The following CCSER1 variants were observed in gnomAD, a reference collection of about 807,000 sequenced individuals.
The protein encoded by CCSER1 is serine-rich coiled-coil domain-containing protein 1.
A neutral mutation model predicts 82.0 loss-of-function variants in CCSER1; 41 were observed. The ratio of observed to expected loss-of-function variants is 0.50; its 90% CI spans 0.39 to 0.65. The LOEUF (loss-of-function observed/expected upper bound fraction) is 0.65. CCSER1 is among the 30% of genes least tolerant of loss of function. The pLI, the probability that CCSER1 is intolerant of heterozygous loss-of-function variation, is 0.00. For synonymous variants in CCSER1, 414 were observed against 383.9 expected, an observed-to-expected ratio of 1.08 and a Z score of -0.92; for missense variants, 1,119 against 1,064.2, an observed-to-expected ratio of 1.05 and a Z score of -0.72.
intron 6 of CCSER1, among the ~76,000 whole-genome samples, chr4:90,706,523 G>T (rs931641663): frequency 2.0e-5 from 3 of 152,158 alleles, no homozygotes; most frequent in Admixed American, 1.3e-4. Context: ...CTTAATAGCA[G>T]AGATTTTTGC....
intron 8 of CCSER1, among the ~76,000 whole-genome samples, chr4:90,915,404 A>T (rs981050109): frequency 5.0e-4 from 76 of 152,176 alleles, no homozygotes; most frequent in Non-Finnish European, 9.1e-4. Context: ...ACAGAACCAA[A>T]GACAAAAACC....
chr4:90,359,326 C>T (rs1744889066), intron 3 of CCSER1, among the ~76,000 whole-genome samples: 1 of 152,132 alleles, frequency 6.6e-6, no homozygotes, highest in Non-Finnish European at 1.5e-5. Context: ...TAACTGTGTA[C>T]TTTTGGAAAC....
intron 10 of CCSER1, among the ~76,000 whole-genome samples, chr4:91,545,965 C>T (rs1761868979): frequency 1.3e-5 from 2 of 152,030 alleles, no homozygotes; most frequent in African/African-American, 4.8e-5. Flanking sequence ...TCCCCTATTC[C>T]TAGTTTGCTG....
chr4:90,658,124 A>G (rs1216665370), intron 6 of CCSER1, among the ~76,000 whole-genome samples: 1 of 151,926 alleles, frequency 6.6e-6, no homozygotes, highest in African/African-American at 2.4e-5. Flanking sequence ...ACAACAAACA[A>G]CAAAAAAACT....
At chr4:90,862,797 G>A (rs1430474735) in intron 8 of CCSER1, among the ~76,000 whole-genome samples, 3 of 151,682 alleles carry the variant, frequency 2.0e-5, no homozygotes, top group Admixed American at 1.3e-4. Flanking sequence ...GTTTGGAAAT[G>A]ATGCCACAGT....
At chr4:91,128,556 T>G (rs1727710431) in intron 10 of CCSER1, among the ~76,000 whole-genome samples, 1 of 152,022 alleles carries the variant, frequency 6.6e-6, no homozygotes, top group Non-Finnish European at 1.5e-5. Context: ...TTTTGGAAAT[T>G]AATACAAAAC....
chr4:90,707,185 C>T (rs1485543894), intron 6 of CCSER1, among the ~76,000 whole-genome samples: 1 of 152,026 alleles, frequency 6.6e-6, no homozygotes, highest in African/African-American at 2.4e-5. Flanking sequence ...CTAAAATAGT[C>T]CATGTTTAGA....
intron 7 of CCSER1, among the ~76,000 whole-genome samples, chr4:90,736,863 G>A (rs915439769): frequency 6.6e-6 from 1 of 151,358 alleles, no homozygotes; most frequent in African/African-American, 2.4e-5. Context: ...ATCTGCTGTG[G>A]GTTTTTTGAT....
intron 5 of CCSER1, among the ~76,000 whole-genome samples, chr4:90,566,161 A>G (rs1779354292): frequency 6.6e-6 from 1 of 151,786 alleles, no homozygotes; most frequent in Non-Finnish European, 1.5e-5. Context: ...CCAAGCCACA[A>G]ATGATCTTTT....
chr4:91,458,874 T>G (rs934582367), intron 10 of CCSER1, among the ~76,000 whole-genome samples: 1 of 152,180 alleles, frequency 6.6e-6, no homozygotes, highest in Admixed American at 6.6e-5. Context: ...GAATTTGTTT[T>G]GAGATTTTTC....
rs1038990042 is a variant in CCSER1 at position 90,826,638 on chromosome 4, G to A, written c.2094+10793G>A. On this transcript the variant is annotated intron_variant, in intron 8 of 10. Transcript: ENST00000509176. The stretch of plus-strand genomic sequence containing the variant: ...AATAAACTAAATTCAGGGGGATTAT[G>A]TGATTCGTTTAATTCTGCATAATAC... 4.6e-5 allele frequency among the ~76,000 whole-genome samples: 7 copies of A among 152,290 alleles called. No individual in the cohort carries two copies. In the East Asian group the frequency reaches 9.7e-4, roughly 21 times the overall value.
intron 10 of CCSER1, among the ~76,000 whole-genome samples, chr4:91,460,834 G>T (rs1350025451): frequency 1.3e-5 from 2 of 152,098 alleles, no homozygotes; most frequent in African/African-American, 4.8e-5. Context: ...AAGGATGGTT[G>T]CTTTCACCAC....
intron 1 of CCSER1, among the ~76,000 whole-genome samples, chr4:90,135,685 G>A (rs898319515): frequency 2.6e-5 from 4 of 152,140 alleles, no homozygotes; most frequent in Non-Finnish European, 5.9e-5. Flanking sequence ...TAGGACCATC[G>A]CCAGACTGCC....
chr4:90,810,268 G>C (rs2149737397), intron 7 of CCSER1, among the ~76,000 whole-genome samples: 2 of 152,204 alleles, frequency 1.3e-5, no homozygotes, highest in South Asian at 4.1e-4. Flanking sequence ...AGCCAAATTT[G>C]ATCACCTTAT....
intron 10 of CCSER1, among the ~76,000 whole-genome samples, chr4:91,197,074 G>C (rs372678367): frequency 5.4e-4 from 82 of 152,150 alleles, no homozygotes; most frequent in African/African-American, 1.9e-3. Flanking sequence ...ACCTTTTGAG[G>C]ATACCTCCCA....
chr4:90,577,899 T>C (rs909138049), intron 5 of CCSER1, among the ~76,000 whole-genome samples: 2 of 152,190 alleles, frequency 1.3e-5, no homozygotes, highest in Admixed American at 1.3e-4. Flanking sequence ...CTCTATTTAA[T>C]GTTATTACTT....
intron 1 of CCSER1, among the ~76,000 whole-genome samples, chr4:90,132,057 T>G (rs528813764): frequency 6.6e-6 from 1 of 152,330 alleles, no homozygotes; most frequent in South Asian, 2.1e-4. Context: ...ACTTTCAGAT[T>G]AGTTGAATTA....
intron 8 of CCSER1, among the ~76,000 whole-genome samples, chr4:90,872,469 T>C (rs1193167699): frequency 6.6e-6 from 1 of 151,924 alleles, no homozygotes; most frequent in Non-Finnish European, 1.5e-5. Context: ...ACAACAAAAA[T>C]AGCAAGCAAG....
At chr4:90,717,578 G>A (rs1054914541) in intron 6 of CCSER1, among the ~76,000 whole-genome samples, 1 of 152,072 alleles carries the variant, frequency 6.6e-6, no homozygotes, top group African/African-American at 2.4e-5. Context: ...AATCAGCCTT[G>A]TTCCTCTGAG....
Sources: gnomAD v4.1 joint callset for allele counts (sites outside exome capture counted in the v4.1 genomes callset) on GRCh38, gnomAD v4.1.1 for gene constraint, MANE v1.5 for transcripts, NCBI Gene and HGNC (gene_info 2026-07-23, HGNC 2026-07-21) for gene names.